Variants in SGCD observed in about 807,000 individuals in gnomAD.
The protein encoded by SGCD is sarcoglycan delta, also known as delta-sarcoglycan.
SGCD carries 18 observed loss-of-function variants against 36.6 expected under a neutral mutation model. That is an observed-to-expected ratio of 0.49 (90% CI 0.34 to 0.73). The LOEUF is 0.73. Ranked by LOEUF, SGCD falls within the 30% of genes least tolerant of loss-of-function variation. SGCD has a pLI of 0.01. For synonymous variants in SGCD, 133 were observed against 130.6 expected, an observed-to-expected ratio of 1.02 and a Z score of -0.12; for missense variants, 387 against 346.7, an observed-to-expected ratio of 1.12 and a Z score of -0.92.
intron 1 of SGCD, among the ~76,000 whole-genome samples, chr5:155,937,203 G>C (rs1413109372): frequency 6.6e-6 from 1 of 152,160 alleles, no homozygotes; most frequent in Non-Finnish European, 1.5e-5. Flanking sequence ...TGCTTGGGAG[G>C]GTGGGGAACC....
At chr5:156,647,845 G>T (rs976169291) in intron 7 of SGCD, among the ~76,000 whole-genome samples, 2 of 152,184 alleles carry the variant, frequency 1.3e-5, no homozygotes, top group African/African-American at 2.4e-5. Context: ...GTTGGTAATT[G>T]GTGCTGATCA....
chr5:155,815,847 A>G, the SGCD span, among the ~76,000 whole-genome samples: 1 of 152,180 alleles, frequency 6.6e-6, no homozygotes, highest in African/African-American at 2.4e-5. Flanking sequence ...AGGGGACCCA[A>G]ATCTAAACCA....
chr5:156,329,936 G>A (rs537847475), intron 2 of SGCD, among the ~76,000 whole-genome samples: 3 of 143,054 alleles, frequency 2.1e-5, no homozygotes, highest in South Asian at 4.5e-4. Context: ...AGAATGGCGT[G>A]AACCCGGAAG....
chr5:156,353,309 A>C (rs1454206690), intron 3 of SGCD, among the ~76,000 whole-genome samples: 13 of 152,234 alleles, frequency 8.5e-5, no homozygotes, highest in Non-Finnish European at 1.8e-4. Flanking sequence ...GCTTTATATG[A>C]CTTCTAAAAT....
intron 3 of SGCD, among the ~76,000 whole-genome samples, chr5:156,477,393 G>C (rs1042016450): frequency 6.6e-6 from 1 of 152,124 alleles, no homozygotes; most frequent in Non-Finnish European, 1.5e-5. Flanking sequence ...ACATAGGACA[G>C]GCCCCATGAC....
intron 7 of SGCD, among the ~76,000 whole-genome samples, chr5:156,747,535 C>A (rs908068917): frequency 6.6e-6 from 1 of 152,118 alleles, no homozygotes; most frequent in Non-Finnish European, 1.5e-5. Context: ...TTGGACTGAA[C>A]ACCTTAGTTT....
intron 3 of SGCD, among the ~76,000 whole-genome samples, chr5:156,263,261 C>A (rs1765913422): frequency 6.6e-6 from 1 of 151,932 alleles, no homozygotes; most frequent in Non-Finnish European, 1.5e-5. Context: ...CGAATCCTTG[C>A]CAGCAACTAT....
intron 3 of SGCD, among the ~76,000 whole-genome samples, chr5:156,174,439 G>A (rs1242428448): frequency 6.6e-6 from 1 of 152,144 alleles, no homozygotes; most frequent in Non-Finnish European, 1.5e-5. Context: ...ACAGGGCCAT[G>A]AGAGAGAGTA....
In SGCD at chr5:156,129,825, C is replaced by CT. The variant is rs555372972; in HGVS notation, c.-44+5812dup. Reference sequence around the variant, plus strand: ...TTCCCACATTAAACATGATGTTGTTCTTTTTTATGGCTGCATAGGATTCCA... The same window carrying CT: ...TTCCCACATTAAACATGATGTTGTTCTTTTTTTATGGCTGCATAGGATTCCA... On this transcript the variant is annotated intron_variant, in intron 3 of 9. Coordinates refer to the SGCD transcript ENST00000517913. 5.1e-3 allele frequency among the ~76,000 whole-genome samples: 771 copies of CT among 152,200 alleles called. 5 individuals are homozygous for CT. Among genetic ancestry groups the CT allele is most frequent in the African/African-American group, 0.018 (745 of 41,530 alleles).
intron 3 of SGCD, among the ~76,000 whole-genome samples, chr5:156,259,210 C>T (rs1376400285): frequency 6.6e-6 from 1 of 151,604 alleles, no homozygotes; most frequent in African/African-American, 2.4e-5. Context: ...TTGCTTCATT[C>T]TGTTTGTTAA....
intron 7 of SGCD, among the ~76,000 whole-genome samples, chr5:156,683,428 T>C (rs34853524): frequency 0.024 from 3,666 of 152,316 alleles, 61 homozygotes; most frequent in Non-Finnish European, 0.033. Context: ...AGTAAATATT[T>C]GTTGAAGGAG....
chr5:156,331,964 T>C (rs1768086653), intron 2 of SGCD, among the ~76,000 whole-genome samples: 1 of 152,246 alleles, frequency 6.6e-6, no homozygotes, highest in South Asian at 2.1e-4. Context: ...CCTTTCGCTC[T>C]TTCTTTATTG....
intron 7 of SGCD, among the ~76,000 whole-genome samples, chr5:156,673,014 C>T (rs186599205): frequency 5.9e-5 from 9 of 152,090 alleles, no homozygotes; most frequent in South Asian, 2.1e-4. Flanking sequence ...TACACACATA[C>T]GCAGTGCCCT....
chr5:156,072,911 A>G (rs898012825), intron 1 of SGCD, among the ~76,000 whole-genome samples: 1 of 152,122 alleles, frequency 6.6e-6, no homozygotes, highest in Non-Finnish European at 1.5e-5. Flanking sequence ...CCTTTGTTCC[A>G]GTTGATCGCA....
intron 1 of SGCD, among the ~76,000 whole-genome samples, chr5:155,892,158 G>A (rs1057021453): frequency 1.3e-5 from 2 of 152,044 alleles, no homozygotes; most frequent in Admixed American, 6.6e-5. Context: ...GATCAAGCAG[G>A]ACATGAAAGA....
At chr5:156,185,398 C>T (rs573315904) in intron 3 of SGCD, among the ~76,000 whole-genome samples, 27 of 151,696 alleles carry the variant, frequency 1.8e-4, no homozygotes, top group Middle Eastern at 6.8e-3. Context: ...GTATTTTTAG[C>T]AGAGACGGGG....
chr5:156,287,063 G>C (rs1412110707), intron 3 of SGCD, among the ~76,000 whole-genome samples: 1 of 152,068 alleles, frequency 6.6e-6, no homozygotes, highest in Non-Finnish European at 1.5e-5. Context: ...CAACAAAGAG[G>C]GTAAACAAAT....
chr5:156,209,670 G>C (rs1381690764), intron 3 of SGCD, among the ~76,000 whole-genome samples: 1 of 152,200 alleles, frequency 6.6e-6, no homozygotes, highest in Non-Finnish European at 1.5e-5. Context: ...ACAATCTCAG[G>C]ATTAAATCCA....
At chr5:155,895,214 T>C (rs1476607524) in intron 1 of SGCD, among the ~76,000 whole-genome samples, 1 of 152,234 alleles carries the variant, frequency 6.6e-6, no homozygotes, top group Non-Finnish European at 1.5e-5. Flanking sequence ...AAATCGTACT[T>C]TCCACAAGTA....
Sources: gnomAD v4.1 joint callset for allele counts (sites outside exome capture counted in the v4.1 genomes callset) on GRCh38, gnomAD v4.1.1 for gene constraint, MANE v1.5 for transcripts, NCBI Gene and HGNC (gene_info 2026-07-23, HGNC 2026-07-21) for gene names.